The following GRID1 variants were observed in gnomAD, a reference collection of about 807,000 sequenced individuals.
The protein encoded by GRID1 is glutamate receptor ionotropic, delta-1.
GRID1 carries 28 observed loss-of-function variants against 98.0 expected under a neutral mutation model. The observed-to-expected ratio is 0.29, with a 90% CI of 0.21 to 0.39. GRID1 has a LOEUF of 0.39. GRID1 is among the 10% of genes least tolerant of loss of function. The pLI is 1.00. For missense variants in GRID1, 1,111 were observed against 1,340.5 expected, an observed-to-expected ratio of 0.83 and a Z score of 2.67; for synonymous variants, 553 against 538.5, an observed-to-expected ratio of 1.03 and a Z score of -0.37.
At chr10:85,845,717 A>G (rs1027304014) in intron 8 of GRID1, among the ~76,000 whole-genome samples, 1 of 152,136 alleles carries the variant, frequency 6.6e-6, no homozygotes, top group Middle Eastern at 3.2e-3. Flanking sequence ...TATCTTTTCA[A>G]TGGCAGTCGT....
intron 2 of GRID1, among the ~76,000 whole-genome samples, chr10:86,321,047 C>A (rs1177130312): frequency 6.6e-6 from 1 of 150,642 alleles, no homozygotes; most frequent in Non-Finnish European, 1.5e-5. Context: ...TTGCAGTGAG[C>A]CAAGATCGCG....
At chr10:85,852,982 T>C (rs1357868017) in intron 8 of GRID1, among the ~76,000 whole-genome samples, 1 of 152,186 alleles carries the variant, frequency 6.6e-6, no homozygotes, top group Non-Finnish European at 1.5e-5. Flanking sequence ...CAACAAATTA[T>C]TGAAACTTCA....
At chr10:86,362,216 G>T (rs1443332246) in intron 2 of GRID1, among the ~76,000 whole-genome samples, 1 of 152,190 alleles carries the variant, frequency 6.6e-6, no homozygotes, top group Non-Finnish European at 1.5e-5. Flanking sequence ...GGAACAGGTG[G>T]CACTGTGAAA....
rs1841333278 is a variant in GRID1, at chr10:85,691,630, A to T, written c.1997+31373T>A. 1.3e-5 allele frequency among the ~76,000 whole-genome samples: 2 copies of T among 152,178 alleles called. 1 individual carries two copies. Among genetic ancestry groups the T allele is most frequent in the Admixed American group, 1.3e-4 (2 of 15,280 alleles). ...TTACCTGAAGAATTAACTAACTACCAAGTTGTGCCTAACTCTGCCTTCTAG... is the reference window on the plus strand; with the variant it reads ...TTACCTGAAGAATTAACTAACTACCTAGTTGTGCCTAACTCTGCCTTCTAG... On this transcript the variant is annotated intron_variant, in intron 12 of 15. Coordinates refer to ENST00000327946, the MANE Select transcript of GRID1 (RefSeq NM_017551.3).
intron 2 of GRID1, among the ~76,000 whole-genome samples, chr10:86,239,045 A>G (rs981392811): frequency 1.3e-5 from 2 of 152,186 alleles, no homozygotes; most frequent in South Asian, 4.1e-4. Context: ...ACATGTGCCT[A>G]GAAAAGCCAC....
At chr10:86,085,752 C>T (rs1404491239) in intron 4 of GRID1, among the ~76,000 whole-genome samples, 1 of 152,056 alleles carries the variant, frequency 6.6e-6, no homozygotes, top group African/African-American at 2.4e-5. Flanking sequence ...GACTTGCAGG[C>T]AGGGGACATC....
intron 2 of GRID1, among the ~76,000 whole-genome samples, chr10:86,363,204 G>A (rs766065369): frequency 1.2e-4 from 19 of 152,262 alleles, no homozygotes; most frequent in Non-Finnish European, 2.4e-4. Flanking sequence ...GGCGCCTGCC[G>A]CGGGGCCCGA....
At chr10:86,223,819 G>C (rs566881250) in intron 2 of GRID1, among the ~76,000 whole-genome samples, 1 of 152,132 alleles carries the variant, frequency 6.6e-6, no homozygotes, top group East Asian at 1.9e-4. Context: ...GATAGACCAG[G>C]GACCAGCAAG....
At chr10:86,125,828 C>A (rs1461834491) in intron 4 of GRID1, among the ~76,000 whole-genome samples, 2 of 152,198 alleles carry the variant, frequency 1.3e-5, no homozygotes, top group Non-Finnish European at 2.9e-5. Flanking sequence ...AATATATTTT[C>A]TCTTCCTATG....
chr10:86,094,830 GA>G (rs35843077), intron 4 of GRID1, among the ~76,000 whole-genome samples: 10,161 of 133,492 alleles, frequency 0.076, 777 homozygotes, highest in African/African-American at 0.2. Flanking sequence ...CACAGAATTA[GA>G]AAAAAAAAAA....
chr10:85,655,451 G>T (rs955204162), intron 12 of GRID1, among the ~76,000 whole-genome samples: 3 of 152,232 alleles, frequency 2.0e-5, no homozygotes, highest in African/African-American at 7.2e-5. Context: ...CAGTCTGACA[G>T]ACATTAGGAG....
intron 13 of GRID1, among the ~76,000 whole-genome samples, chr10:85,635,187 A>G (rs1204558563): frequency 6.6e-6 from 1 of 152,208 alleles, no homozygotes; most frequent in Non-Finnish European, 1.5e-5. Flanking sequence ...TGAAGAATTC[A>G]TAATGAGATT....
rs1328840461 is a variant in GRID1, at chr10:85,796,327, TAGACATA to T, written c.1233+58162_1233+58168del. Among the ~76,000 whole-genome samples the T allele has an allele frequency of 1.8e-4, 28 of 152,176 alleles. 1 individual carries two copies. The highest frequency in any genetic ancestry group is 1.9e-4 in the East Asian group (1 of 5,198). ...CTAAACAAAGTTCTTAAAATAAACC[TAGACATA>T]TTGTGATTAAAATATTAATTGGACA... On this transcript the variant is annotated intron_variant, in intron 8 of 15. Transcript: ENST00000327946.
At chr10:86,132,386 T>G (rs1250342748) in intron 4 of GRID1, among the ~76,000 whole-genome samples, 1 of 152,240 alleles carries the variant, frequency 6.6e-6, no homozygotes, top group Non-Finnish European at 1.5e-5. Context: ...TAGAAACATT[T>G]CTTTCTTGTG....
At chr10:85,626,927 G>T (rs558751758) in intron 13 of GRID1, among the ~76,000 whole-genome samples, 1 of 152,142 alleles carries the variant, frequency 6.6e-6, no homozygotes, top group African/African-American at 2.4e-5. Context: ...TACATGCAGC[G>T]ATTCTACCCG....
At chr10:85,743,851 T>C (rs1310939154) in intron 8 of GRID1, among the ~76,000 whole-genome samples, 1 of 152,172 alleles carries the variant, frequency 6.6e-6, no homozygotes, top group Non-Finnish European at 1.5e-5. Flanking sequence ...ATTTGAATGA[T>C]CCTTTGGTTT....
chr10:86,000,004 G>A (rs10887542), intron 4 of GRID1, among the ~76,000 whole-genome samples: 54,004 of 152,040 alleles, frequency 0.36, 10,142 homozygotes, highest in South Asian at 0.51. Context: ...AAATCAAAGC[G>A]TGTACAGATT....
chr10:86,308,828 A>G (rs1479918873), intron 2 of GRID1, among the ~76,000 whole-genome samples: 4 of 152,096 alleles, frequency 2.6e-5, no homozygotes, highest in African/African-American at 4.8e-5. Flanking sequence ...GAGAGGGCCT[A>G]CCTCACTTCG....
intron 2 of GRID1, among the ~76,000 whole-genome samples, chr10:86,239,565 G>A (rs546981219): frequency 1.1e-4 from 17 of 152,288 alleles, no homozygotes; most frequent in South Asian, 6.2e-4. Context: ...TATAATCCCC[G>A]TGTTGGAGGA....
Sources: gnomAD v4.1 joint callset for allele counts (sites outside exome capture counted in the v4.1 genomes callset) on GRCh38, gnomAD v4.1.1 for gene constraint, MANE v1.5 for transcripts, NCBI Gene and HGNC (gene_info 2026-07-23, HGNC 2026-07-21) for gene names.